The following MAGI2 variants were observed in gnomAD, a reference collection of about 807,000 sequenced individuals.
The protein encoded by MAGI2 is membrane associated guanylate kinase, WW and PDZ domain containing 2, also known as membrane-associated guanylate kinase, WW and PDZ domain-containing protein 2.
In MAGI2, 35 loss-of-function variants were observed where a neutral mutation model predicts 133.3. That is an observed-to-expected ratio of 0.26 (90% confidence interval 0.20 to 0.35). The LOEUF (loss-of-function observed/expected upper bound fraction) is 0.35. Ranked by LOEUF, MAGI2 falls within the 10% of genes least tolerant of loss-of-function variation. The probability of loss-of-function intolerance (pLI) is 1.00; values close to 1 mark genes in which losing one functional copy is unlikely to be tolerated. For synonymous variants in MAGI2, 729 were observed against 710.6 expected (o/e 1.03, Z -0.41); for missense variants, 1,636 against 1,863.4 (o/e 0.88, Z 2.25).
At chr7:78,550,674 A>G (rs1799256519) in intron 3 of MAGI2, among the ~76,000 whole-genome samples, 1 of 152,108 alleles carries the variant, frequency 6.6e-6, no homozygotes, top group African/African-American at 2.4e-5. Context: ...GTGATCCTTG[A>G]TACTGTTTTT....
chr7:78,590,709 C>T (rs993520585), intron 3 of MAGI2, among the ~76,000 whole-genome samples: 2 of 152,108 alleles, frequency 1.3e-5, no homozygotes, highest in African/African-American at 4.8e-5. Context: ...TCTCTCTTTC[C>T]TCTAGGAAAT....
intron 1 of MAGI2, among the ~76,000 whole-genome samples, chr7:79,304,205 G>C (rs1426065855): frequency 6.9e-6 from 1 of 145,338 alleles, no homozygotes; most frequent in Non-Finnish European, 1.5e-5. Context: ...GTGTGTGTCT[G>C]TGTGTGTGTG....
chr7:78,320,068 A>G (rs1787842461), intron 9 of MAGI2, among the ~76,000 whole-genome samples: 1 of 152,244 alleles, frequency 6.6e-6, no homozygotes, highest in Non-Finnish European at 1.5e-5. Context: ...TCCCGAGTCT[A>G]AACCAGGAAG....
intron 2 of MAGI2, among the ~76,000 whole-genome samples, chr7:78,646,792 C>G (rs771665411): frequency 2.6e-5 from 4 of 152,146 alleles, no homozygotes; most frequent in African/African-American, 9.7e-5. Context: ...TTAGCGCTGA[C>G]CAACAGTCAC....
chr7:78,717,993 T>C (rs1039043348), intron 2 of MAGI2, among the ~76,000 whole-genome samples: 1 of 152,112 alleles, frequency 6.6e-6, no homozygotes, highest in Non-Finnish European at 1.5e-5. Context: ...CTTTGTAAAC[T>C]TTACTTCTTG....
At chr7:78,727,203 G>A (rs1163767406) in intron 2 of MAGI2, among the ~76,000 whole-genome samples, 2 of 152,206 alleles carry the variant, frequency 1.3e-5, no homozygotes, top group African/African-American at 4.8e-5. Flanking sequence ...AGGAATAGCA[G>A]AGACATTTTA....
intron 2 of MAGI2, among the ~76,000 whole-genome samples, chr7:78,938,697 C>A (rs1800729915): frequency 6.6e-6 from 1 of 152,108 alleles, no homozygotes; most frequent in Non-Finnish European, 1.5e-5. Context: ...AGCTTGTAAT[C>A]TCTTTATGCC....
chr7:79,182,466 A>G (rs1191697383), intron 1 of MAGI2, among the ~76,000 whole-genome samples: 4 of 151,948 alleles, frequency 2.6e-5, no homozygotes, highest in Non-Finnish European at 5.9e-5. Flanking sequence ...CCATGATTCA[A>G]CCACCTCCCA....
intron 1 of MAGI2, among the ~76,000 whole-genome samples, chr7:79,034,361 T>C (rs1810912160): frequency 6.6e-6 from 1 of 152,208 alleles, no homozygotes; most frequent in Admixed American, 6.5e-5. Context: ...AATACCCTAC[T>C]GGTATCCAGG....
intron 1 of MAGI2, chr7:79,124,957 G>C: frequency 3.5e-6 from 1 of 284,058 alleles, no homozygotes; most frequent in Non-Finnish European, 6.8e-6. Flanking sequence ...TGAATTAAAA[G>C]CCACGAAAGG....
intron 3 of MAGI2, among the ~76,000 whole-genome samples, chr7:78,569,942 T>C (rs542531880): frequency 2.4e-4 from 37 of 152,366 alleles, no homozygotes; most frequent in Non-Finnish European, 4.3e-4. Context: ...TTGTTTTTGA[T>C]ATGATTCTTT....
At chr7:78,216,965 G>A (rs1280740396) in intron 10 of MAGI2, among the ~76,000 whole-genome samples, 4 of 152,178 alleles carry the variant, frequency 2.6e-5, no homozygotes. Context: ...GGAAATCTTT[G>A]CCATTCCTTG....
intron 3 of MAGI2, 70 bp from the exon 4 acceptor site, chr7:78,521,715 G>A: frequency 7.6e-7 from 1 of 1,310,632 alleles, no homozygotes; most frequent in Non-Finnish European, 1.1e-6. Flanking sequence ...TGTGAAGAAT[G>A]GAAATTATAT....
At chr7:78,669,675 A>T (rs184771664) in intron 2 of MAGI2, among the ~76,000 whole-genome samples, 6,378 of 152,228 alleles carry the variant, frequency 0.042, 166 homozygotes, top group South Asian at 0.047. Context: ...ATCCTCAATA[A>T]AATACTGGCA....
At chr7:79,037,324 G>A (rs1295716863) in intron 1 of MAGI2, among the ~76,000 whole-genome samples, 2 of 151,972 alleles carry the variant, frequency 1.3e-5, no homozygotes, top group Non-Finnish European at 2.9e-5. Flanking sequence ...TATACTTCTG[G>A]TCATAAAACC....
At chr7:78,524,584 C>T (rs10275912) in intron 3 of MAGI2, among the ~76,000 whole-genome samples, 28,484 of 152,084 alleles carry the variant, frequency 0.19, 2,665 homozygotes, top group South Asian at 0.3. Flanking sequence ...TTTTCTTTTA[C>T]AGTCGGCAAA....
intron 3 of MAGI2, among the ~76,000 whole-genome samples, chr7:78,552,599 T>G (rs62468615): frequency 0.081 from 12,302 of 152,208 alleles, 642 homozygotes; most frequent in Middle Eastern, 0.13. Context: ...AAGAACTGTA[T>G]AGTGGTGTGG....
At chr7:79,220,638 A>T (rs1830375750) in intron 1 of MAGI2, among the ~76,000 whole-genome samples, 1 of 152,038 alleles carries the variant, frequency 6.6e-6, no homozygotes. Context: ...TCCTAGAGCT[A>T]ATGCTCGGGG....
At chr7:79,398,096 A>G (rs535045262) in intron 1 of MAGI2, among the ~76,000 whole-genome samples, 12 of 152,142 alleles carry the variant, frequency 7.9e-5, no homozygotes, top group Non-Finnish European at 1.5e-4. Flanking sequence ...TAGCATAAGA[A>G]CTGGTCATGT....
Sources: gnomAD v4.1 joint callset for allele counts (sites outside exome capture counted in the v4.1 genomes callset) on GRCh38, gnomAD v4.1.1 for gene constraint, MANE v1.5 for transcripts, NCBI Gene and HGNC (gene_info 2026-07-23, HGNC 2026-07-21) for gene names.